The following FARS2 variants were observed in gnomAD, a reference collection of about 807,000 sequenced individuals.
The protein encoded by FARS2 is phenylalanyl-tRNA synthetase 2, mitochondrial, also known as phenylalanine--tRNA ligase, mitochondrial.
A neutral mutation model predicts 46.4 loss-of-function variants in FARS2; 40 were observed. The observed-to-expected ratio is 0.86, with a 90% CI of 0.67 to 1.12. The LOEUF is 1.12. FARS2 is among the 50% of genes most tolerant of loss of function. The pLI is 0.00. For missense variants in FARS2, 513 were observed against 567.9 expected (o/e 0.90, Z 0.98); for synonymous variants, 234 against 214.9 (o/e 1.09, Z -0.78).
chr6:5,735,873 C>G (rs1760912586), intron 6 of FARS2, among the ~76,000 whole-genome samples: 1 of 152,184 alleles, frequency 6.6e-6, no homozygotes, highest in African/African-American at 2.4e-5. Flanking sequence ...TAAGAGTGTC[C>G]TGACAGCCAC....
chr6:5,519,164 G>C (rs1390841903), intron 4 of FARS2, among the ~76,000 whole-genome samples: 1 of 152,178 alleles, frequency 6.6e-6, no homozygotes, highest in East Asian at 1.9e-4. Flanking sequence ...CTGAGTATAT[G>C]AGCTGTGGTT....
At chr6:5,253,433 T>A in the FARS2 span, among the ~76,000 whole-genome samples, 1 of 152,196 alleles carries the variant, frequency 6.6e-6, no homozygotes, top group Non-Finnish European at 1.5e-5. Context: ...CTCAGTTTTT[T>A]TTTTTGCTAA....
chr6:5,434,788 C>T (rs1044877224), intron 4 of FARS2, among the ~76,000 whole-genome samples: 6 of 151,862 alleles, frequency 4.0e-5, no homozygotes, highest in African/African-American at 1.5e-4. Flanking sequence ...TGCTCTTCCC[C>T]TCTCTTTACT....
intron 6 of FARS2, among the ~76,000 whole-genome samples, chr6:5,652,995 A>G (rs1777442380): frequency 6.6e-6 from 1 of 152,172 alleles, no homozygotes; most frequent in Non-Finnish European, 1.5e-5. Context: ...GGAGAGAGAG[A>G]CAAAGTGTGT....
chr6:5,354,109 G>A (rs1757764560), intron 1 of FARS2, among the ~76,000 whole-genome samples: 1 of 151,932 alleles, frequency 6.6e-6, no homozygotes, highest in South Asian at 2.1e-4. Flanking sequence ...CACAGCCCAG[G>A]ACTGAGAATT....
chr6:5,360,755 C>T (rs1758244773), intron 1 of FARS2, among the ~76,000 whole-genome samples: 1 of 152,188 alleles, frequency 6.6e-6, no homozygotes, highest in Admixed American at 6.5e-5. Context: ...TCCTCCCTCT[C>T]AGAAAGAAGG....
chr6:5,610,017 G>C (rs1490549045), intron 5 of FARS2: 3 of 996,130 alleles, frequency 3.0e-6, no homozygotes, highest in South Asian at 1.3e-5. Context: ...CAGTGGCATA[G>C]TGACAAACCC....
chr6:5,485,561 C>T (rs149901806), intron 4 of FARS2, among the ~76,000 whole-genome samples: 1 of 150,134 alleles, frequency 6.7e-6, no homozygotes, highest in African/African-American at 2.5e-5. Flanking sequence ...AGCTCTCAGG[C>T]CGGGGGCCGC....
At chr6:5,526,770 C>G (rs9504425) in intron 4 of FARS2, among the ~76,000 whole-genome samples, 2 of 152,096 alleles carry the variant, frequency 1.3e-5, no homozygotes, top group African/African-American at 4.8e-5. Flanking sequence ...GTGCCCACCC[C>G]TACACCCAGT....
At chr6:5,288,197 T>C (rs1767259725) in intron 1 of FARS2, among the ~76,000 whole-genome samples, 1 of 152,236 alleles carries the variant, frequency 6.6e-6, no homozygotes, top group East Asian at 1.9e-4. Flanking sequence ...TCATCTTTCA[T>C]GTTTTGTCCA....
In FARS2 at chr6:5,668,331, C is replaced by A. The variant is rs1001562523; in HGVS notation, c.1217+55011C>A. 3.9e-5 allele frequency among the ~76,000 whole-genome samples: 6 copies of A among 152,160 alleles called. No homozygotes were observed. The East Asian group carries it at 1.2e-3, about 29-fold the overall frequency. ...TTATTGTCACTCTTGTACTGTTGGA[C>A]AGCAGCAGCTCATGTGAATGATACT... On this transcript the variant is annotated intron_variant, in intron 6 of 6. Coordinates refer to ENST00000274680, the MANE Select transcript of FARS2 (RefSeq NM_006567.5).
chr6:5,267,788 A>G (rs1160465755), intron 1 of FARS2, among the ~76,000 whole-genome samples: 3 of 150,484 alleles, frequency 2.0e-5, no homozygotes, highest in South Asian at 2.1e-4. Context: ...ACTGTCTTCC[A>G]CAATGGTTGA....
chr6:5,338,203 A>AT (rs1157235182), intron 1 of FARS2, among the ~76,000 whole-genome samples: 1 of 152,110 alleles, frequency 6.6e-6, no homozygotes, highest in Non-Finnish European at 1.5e-5. Flanking sequence ...AATAGTTTGG[A>AT]TTTTTTCCAC....
intron 5 of FARS2, 64 bp downstream of exon 5, chr6:5,545,404 C>A: frequency 8.1e-7 from 1 of 1,235,280 alleles, no homozygotes; most frequent in Non-Finnish European, 1.1e-6. Context: ...TCGACAGGAT[C>A]ATGTACTTGA....
intron 5 of FARS2, among the ~76,000 whole-genome samples, chr6:5,555,540 G>C (rs970182954): frequency 3.3e-5 from 5 of 152,086 alleles, no homozygotes; most frequent in Admixed American, 3.3e-4. Context: ...ATAGCTTCTA[G>C]ATCTGGTTTT....
At chr6:5,529,555 C>T (rs1397816454) in intron 4 of FARS2, among the ~76,000 whole-genome samples, 1 of 152,180 alleles carries the variant, frequency 6.6e-6, no homozygotes, top group Non-Finnish European at 1.5e-5. Context: ...ATCCACCTGC[C>T]TCAGCCTCTC....
intron 6 of FARS2, among the ~76,000 whole-genome samples, chr6:5,745,452 C>A (rs1582870622): frequency 6.6e-6 from 1 of 152,206 alleles, no homozygotes; most frequent in Non-Finnish European, 1.5e-5. Context: ...GTAATTGATT[C>A]TTTATTAGTT....
At chr6:5,619,909 A>C (rs1016385295) in intron 6 of FARS2, among the ~76,000 whole-genome samples, 1 of 152,248 alleles carries the variant, frequency 6.6e-6, no homozygotes, top group Non-Finnish European at 1.5e-5. Flanking sequence ...AAAATAGAAA[A>C]GATGAGATTC....
chr6:5,631,218 T>C (rs1413139870), intron 6 of FARS2, among the ~76,000 whole-genome samples: 2 of 152,312 alleles, frequency 1.3e-5, no homozygotes, highest in South Asian at 2.1e-4. Context: ...TCAACCCAGA[T>C]TGAATCAATG....
Sources: allele counts gnomAD v4.1 joint callset (sites outside exome capture counted in the v4.1 genomes callset), GRCh38; gene constraint gnomAD v4.1.1; transcripts MANE v1.5; gene names NCBI Gene and HGNC (gene_info 2026-07-23, HGNC 2026-07-21).